LINGO2: variants seen among roughly 807,000 people sequenced by gnomAD.
The protein encoded by LINGO2 is leucine-rich repeat and immunoglobulin-like domain-containing nogo receptor-interacting protein 2.
Under a neutral mutation model 30.6 loss-of-function variants are expected in LINGO2, and 14 were observed. The observed-to-expected ratio is 0.46, with a 90% CI of 0.30 to 0.72. The LOEUF is 0.72. Ranked by LOEUF, LINGO2 falls within the 30% of genes least tolerant of loss-of-function variation. The pLI, the probability that LINGO2 is intolerant of heterozygous loss-of-function variation, is 0.07. For missense variants in LINGO2, 729 were observed against 751.7 expected (o/e 0.97, Z 0.35); for synonymous variants, 317 against 288.5 (o/e 1.10, Z -1.00).
intron 3 of LINGO2, among the ~76,000 whole-genome samples, chr9:28,335,176 A>G (rs1161408462): frequency 6.6e-6 from 1 of 152,142 alleles, no homozygotes; most frequent in Non-Finnish European, 1.5e-5. Flanking sequence ...GAGGCTTAGG[A>G]GGGAGAGCTG....
the LINGO2 span, among the ~76,000 whole-genome samples, chr9:29,120,446 T>C: frequency 6.6e-6 from 1 of 152,294 alleles, no homozygotes; most frequent in East Asian, 1.9e-4. Context: ...TGTGTAATCA[T>C]TTTCACTTTA....
chr9:28,286,601 C>T (rs528910307), intron 4 of LINGO2, among the ~76,000 whole-genome samples: 21 of 152,154 alleles, frequency 1.4e-4, no homozygotes, highest in African/African-American at 4.8e-4. Context: ...AAATGTAGTA[C>T]GTATATACCA....
chr9:28,232,061 T>G (rs999489447), intron 4 of LINGO2, among the ~76,000 whole-genome samples: 1 of 152,110 alleles, frequency 6.6e-6, no homozygotes, highest in Non-Finnish European at 1.5e-5. Context: ...ACTATGTCTC[T>G]TATATATTGG....
chr9:28,680,246 T>C, the LINGO2 span, among the ~76,000 whole-genome samples: 2 of 152,090 alleles, frequency 1.3e-5, no homozygotes, highest in African/African-American at 2.4e-5. Flanking sequence ...TTATTTCACT[T>C]AACACGATGT....
At chr9:28,035,374 C>T (rs1407647566) in intron 4 of LINGO2, among the ~76,000 whole-genome samples, 1 of 152,186 alleles carries the variant, frequency 6.6e-6, no homozygotes, top group South Asian at 2.1e-4. Context: ...TTCCTCAAAA[C>T]AATTCAATAA....
intron 4 of LINGO2, among the ~76,000 whole-genome samples, chr9:28,092,992 G>T (rs1348353861): frequency 6.6e-6 from 1 of 152,010 alleles, no homozygotes; most frequent in Non-Finnish European, 1.5e-5. Context: ...TTTATGGAAG[G>T]GATGCCAAGA....
chr9:27,970,307 T>C (rs1470201842), intron 5 of LINGO2, among the ~76,000 whole-genome samples: 1 of 152,174 alleles, frequency 6.6e-6, no homozygotes, highest in Non-Finnish European at 1.5e-5. Flanking sequence ...TGGCTGGTTT[T>C]TCCCTTAGGC....
At chr9:28,543,231 C>A (rs995127982) in intron 1 of LINGO2, among the ~76,000 whole-genome samples, 13 of 152,140 alleles carry the variant, frequency 8.5e-5, no homozygotes, top group East Asian at 5.8e-4. Context: ...TTGATCAGTC[C>A]AATAAATGTC....
At chr9:28,468,948 T>G (rs529087333) in intron 2 of LINGO2, among the ~76,000 whole-genome samples, 1 of 152,174 alleles carries the variant, frequency 6.6e-6, no homozygotes, top group Non-Finnish European at 1.5e-5. Flanking sequence ...AAGTTAACTT[T>G]CAGAAACTGT....
intron 4 of LINGO2, among the ~76,000 whole-genome samples, chr9:28,128,278 T>C (rs1827293762): frequency 1.3e-5 from 2 of 152,226 alleles, no homozygotes; most frequent in African/African-American, 4.8e-5. Flanking sequence ...CCTCAATCAG[T>C]GCTCTTTCCA....
intron 5 of LINGO2, among the ~76,000 whole-genome samples, chr9:27,951,361 C>T (rs1057151788): frequency 3.9e-5 from 6 of 152,114 alleles, no homozygotes; most frequent in Non-Finnish European, 8.8e-5. Flanking sequence ...GACAAAAGAT[C>T]CTCAAAGTAT....
At chr9:28,547,571 C>A (rs921775013) in intron 1 of LINGO2, among the ~76,000 whole-genome samples, 1 of 152,068 alleles carries the variant, frequency 6.6e-6, no homozygotes, top group Non-Finnish European at 1.5e-5. Context: ...TCGAAAGGAA[C>A]ATATGTTATT....
chr9:28,229,773 G>A lies in LINGO2; in HGVS notation c.-87+65435C>T, dbSNP rs1192443134. Among the ~76,000 whole-genome samples, 10 of 151,764 alleles carry A rather than the reference G, an allele frequency of 6.6e-5. No homozygotes were observed. In the East Asian group the frequency reaches 1.7e-3, roughly 26 times the overall value. On this transcript the variant is annotated intron_variant, in intron 4 of 5. Coordinates refer to ENST00000379992, the Ensembl canonical transcript of LINGO2. ...TTAGAAACAGAGAAATAAGGTCACA[G>A]GAATTTTACTAAAATTGAGGAATAA... is the stretch of plus-strand genomic sequence containing the variant.
chr9:28,915,345 G>A, the LINGO2 span, among the ~76,000 whole-genome samples: 1 of 152,050 alleles, frequency 6.6e-6, no homozygotes, highest in Admixed American at 6.6e-5. Flanking sequence ...ACACCTGCAG[G>A]GCTTGTTAAA....
chr9:28,822,833 G>A, the LINGO2 span, among the ~76,000 whole-genome samples: 10 of 152,124 alleles, frequency 6.6e-5, no homozygotes, highest in African/African-American at 2.4e-4. Flanking sequence ...TCCCTCCAGA[G>A]AACCCTGACT....
At chr9:27,949,975 C>T in exon 6 of LINGO2, 3 of 1,614,076 alleles carry the variant, frequency 1.9e-6, no homozygotes, top group Non-Finnish European at 2.5e-6. Context: ...GGCCAATAGT[C>T]AATCTCTAGG....
At chr9:28,796,384 C>G in the LINGO2 span, among the ~76,000 whole-genome samples, 3 of 152,018 alleles carry the variant, frequency 2.0e-5, no homozygotes, top group Non-Finnish European at 2.9e-5. Flanking sequence ...CTCAAAAGCT[C>G]TTAAAGTTGC....
intron 1 of LINGO2, among the ~76,000 whole-genome samples, chr9:28,568,095 T>A (rs1314879377): frequency 6.6e-6 from 1 of 152,022 alleles, no homozygotes; most frequent in Non-Finnish European, 1.5e-5. Flanking sequence ...AGTTTTCTAC[T>A]CTCATCTCCC....
chr9:28,989,347 C>T, the LINGO2 span, among the ~76,000 whole-genome samples: 1 of 152,220 alleles, frequency 6.6e-6, no homozygotes, highest in Non-Finnish European at 1.5e-5. Context: ...ACTCTGTGAA[C>T]ATAGAAGACT....
Sources: gnomAD v4.1 joint callset for allele counts (sites outside exome capture counted in the v4.1 genomes callset) on GRCh38, gnomAD v4.1.1 for gene constraint, MANE v1.5 for transcripts, NCBI Gene and HGNC (gene_info 2026-07-23, HGNC 2026-07-21) for gene names.